Variants in MAX observed in about 807,000 individuals in gnomAD.
The protein encoded by MAX is protein max.
Under a neutral mutation model 22.3 loss-of-function variants are expected in MAX, and 3 were observed. That is an observed-to-expected ratio of 0.13 (90% CI 0.06 to 0.35). MAX has a LOEUF of 0.35. MAX is among the 10% of genes least tolerant of loss of function. MAX has a pLI of 1.00. For synonymous variants in MAX, 72 were observed against 77.7 expected (o/e 0.93, Z 0.39); for missense variants, 119 against 209.4 (o/e 0.57, Z 2.66).
intron 3 of MAX, among the ~76,000 whole-genome samples, chr14:65,081,436 A>G (rs1343759599): frequency 6.6e-6 from 1 of 152,210 alleles, no homozygotes; most frequent in African/African-American, 2.4e-5. Flanking sequence ...ATGTGGCCAA[A>G]CACAGGATGA....
At chr14:65,036,239 A>T (rs2062189936) in intron 3 of MAX, among the ~76,000 whole-genome samples, 1 of 151,648 alleles carries the variant, frequency 6.6e-6, no homozygotes, top group Non-Finnish European at 1.5e-5. Flanking sequence ...AATTTAATTT[A>T]ATTTATTTAT....
downstream of MAX, among the ~76,000 whole-genome samples, chr14:65,072,631 G>A (rs1260109242): frequency 1.3e-5 from 2 of 152,170 alleles, no homozygotes; most frequent in Admixed American, 6.5e-5. Flanking sequence ...AGAGGGGTTA[G>A]AGCCCAGGAA....
chr14:65,043,469 T>C (rs1266344166), intron 3 of MAX, among the ~76,000 whole-genome samples: 1 of 152,172 alleles, frequency 6.6e-6, no homozygotes, highest in African/African-American at 2.4e-5. Context: ...CTAAGAGACC[T>C]TGGGTAAATT....
At chr14:65,085,839 A>T (rs1407953895) in intron 3 of MAX, among the ~76,000 whole-genome samples, 1 of 152,164 alleles carries the variant, frequency 6.6e-6, no homozygotes, top group Non-Finnish European at 1.5e-5. Context: ...CCTTGAGAAA[A>T]GCAAAGCACT....
intron 3 of MAX, among the ~76,000 whole-genome samples, chr14:65,006,943 G>A (rs1226958263): frequency 5.3e-5 from 8 of 151,694 alleles, no homozygotes; most frequent in Non-Finnish European, 1.5e-5. Flanking sequence ...AGTATGGGTG[G>A]GAAAAAAAAA....
intron 3 of MAX, among the ~76,000 whole-genome samples, chr14:65,051,948 C>G (rs1348682157): frequency 2.0e-5 from 3 of 151,870 alleles, no homozygotes; most frequent in African/African-American, 4.8e-5. Flanking sequence ...GCGCCCACCA[C>G]CATGTCCGGC....
In MAX at chr14:65,032,653, A is replaced by G. The variant is rs1191234288; in HGVS notation, c.172-26369T>C. On this transcript the variant is annotated intron_variant, in intron 3 of 3. Transcript: ENST00000341653. The surrounding 1 kb of genome is among the most constrained non-coding windows in gnomAD (Gnocchi z 5.0). ...CTCCGTAGCCTCGCTGACCAACATC[A>G]TCACTCCAGACCTCTTTGAGGGCAC... 1 of 1,613,968 alleles carries G rather than the reference A, an allele frequency of 6.2e-7. No homozygotes were observed. The highest frequency in any genetic ancestry group is 2.2e-5 in the East Asian group (1 of 44,876).
At chr14:65,036,298 G>A (rs913283179) in intron 3 of MAX, among the ~76,000 whole-genome samples, 9 of 149,776 alleles carry the variant, frequency 6.0e-5, no homozygotes, top group Middle Eastern at 3.7e-3. Flanking sequence ...GTGCAGTGGC[G>A]TGATCTTGGC....
At chr14:65,066,412 C>T (rs2062930779) in intron 3 of MAX, among the ~76,000 whole-genome samples, 1 of 152,238 alleles carries the variant, frequency 6.6e-6, no homozygotes, top group Non-Finnish European at 1.5e-5. Flanking sequence ...CAGGTGGCCT[C>T]ACGTTCCTCC....
intron 3 of MAX, among the ~76,000 whole-genome samples, chr14:65,037,626 C>T (rs2062232550): frequency 6.7e-6 from 1 of 149,296 alleles, no homozygotes; most frequent in Non-Finnish European, 1.5e-5. Context: ...AGCCTCACCA[C>T]ATTGCCCAGG....
intron 2 of MAX, among the ~76,000 whole-genome samples, chr14:65,099,567 A>C (rs1009522267): frequency 2.6e-5 from 4 of 151,932 alleles, no homozygotes; most frequent in South Asian, 2.1e-4. Context: ...AACAAAAAAA[A>C]CACAACTTTC....
At chr14:65,010,506 C>G (rs1271935140) in intron 3 of MAX, among the ~76,000 whole-genome samples, 1 of 152,206 alleles carries the variant, frequency 6.6e-6, no homozygotes, top group Non-Finnish European at 1.5e-5. Flanking sequence ...CTAGTTCGGG[C>G]CCTAAGTAGC....
chr14:65,032,691 A>T lies in MAX; in HGVS notation c.172-26407T>A. ...TCTTTGAGGGCACTGCTGAATGGAT[A>T]GCAAGGTGAGAGAAGCCAGGGTTTC... is the stretch of plus-strand genomic sequence containing the variant. On this transcript the variant is annotated intron_variant, in intron 3 of 3. Coordinates refer to the MAX transcript ENST00000341653. The surrounding 1 kb of genome is among the most constrained non-coding windows in gnomAD (Gnocchi z 5.0). 6.2e-7 allele frequency: 1 copy of T among 1,613,554 alleles called. No homozygotes were observed.
chr14:65,092,333 A>C (rs992930096), intron 3 of MAX, among the ~76,000 whole-genome samples: 2 of 152,212 alleles, frequency 1.3e-5, no homozygotes, highest in Non-Finnish European at 2.9e-5. Context: ...GGTGAGACTT[A>C]GGAGAAGGCA....
rs545967213 is a variant in MAX, at chr14:65,020,394, T to G, written c.172-14110A>C. Among the ~76,000 whole-genome samples, 7 of 152,318 alleles carry G rather than the reference T, an allele frequency of 4.6e-5. No homozygotes were observed. The East Asian group carries it at 1.4e-3, about 29-fold the overall frequency. On this transcript the variant is annotated intron_variant, in intron 3 of 3. Coordinates refer to the MAX transcript ENST00000341653. ...TCCCAAAACACTGGGATTATAGGCG[T>G]GAGCCACCATGCCCAGTCCATAGGT... is the stretch of plus-strand genomic sequence containing the variant.
intron 3 of MAX, among the ~76,000 whole-genome samples, chr14:65,064,046 C>G (rs937821162): frequency 2.0e-5 from 3 of 152,150 alleles, no homozygotes; most frequent in African/African-American, 7.2e-5. Context: ...CCTGCCAGAC[C>G]CTACAGGGAG....
rs2139887316 is a variant in MAX at position 65,093,812 on chromosome 14, C to T, written c.67G>A (p.Asp23Asn). ...EEQPRFQSAADKRAHHNALER... is the reference protein window; with the variant it reads ...EEQPRFQSAANKRAHHNALER... Reference sequence around the variant, plus strand: ...AGTGCATTATGATGAGCCCGTTTGTCAGCCTAGAAGAATGGGAGAAAGAAC... The same window carrying T: ...AGTGCATTATGATGAGCCCGTTTGTTAGCCTAGAAGAATGGGAGAAAGAAC... The change falls in exon 3 of 5, where the codon GAC (aspartate) becomes AAC (asparagine). Residue 23 changes from aspartate (D) to asparagine (N), a missense_variant. Physicochemically the swap from Asp to Asn is conservative, Grantham distance 23. Around this residue, in one of 3 missense-constraint regions of MAX, gnomAD observed 24 missense variants for 42.7 expected, o/e 0.56. Coordinates refer to ENST00000358664, the MANE Select transcript of MAX (RefSeq NM_002382.5). The surrounding 1 kb of genome is among the most constrained non-coding windows in gnomAD (Gnocchi z 4.4). 6.4e-7 allele frequency: 1 copy of T among 1,567,318 alleles called. No homozygotes were observed. The highest frequency in any genetic ancestry group is 8.8e-7 in the Non-Finnish European group (1 of 1,137,244).
At chr14:65,061,662 GC>G in intron 3 of MAX, 59 of 211,114 alleles carry the variant, frequency 2.8e-4, no homozygotes, top group East Asian at 9.0e-4. Context: ...CAGAGCCACT[GC>G]TGACTCCCAC....
chr14:65,070,782 A>G (rs1414982104), downstream of MAX, among the ~76,000 whole-genome samples: 1 of 152,242 alleles, frequency 6.6e-6, no homozygotes, highest in East Asian at 1.9e-4. The surrounding 1 kb of genome is among the most constrained non-coding windows in gnomAD (Gnocchi z 4.4). Context: ...CCACTGTCAT[A>G]ACCAGCCCTG....
Sources: gnomAD v4.1 joint callset for allele counts (sites outside exome capture counted in the v4.1 genomes callset) on GRCh38, gnomAD v4.1.1 for gene constraint, gnomAD v4.1.1 regional missense constraint, Gnocchi (gnomAD v3.1) non-coding constraint, MANE v1.5 for transcripts, NCBI Gene and HGNC (gene_info 2026-07-23, HGNC 2026-07-21) for gene names.